The following USPL1 variants were observed in gnomAD, a reference collection of about 807,000 sequenced individuals.
The protein encoded by USPL1 is SUMO-specific isopeptidase USPL1.
Under a neutral mutation model 51.5 loss-of-function variants are expected in USPL1, and 27 were observed. The ratio of observed to expected loss-of-function variants is 0.52; its 90% CI spans 0.39 to 0.72. The LOEUF (loss-of-function observed/expected upper bound fraction) is 0.72, where lower values mean the gene tolerates loss of function less well. Ranked by LOEUF, USPL1 falls within the 30% of genes least tolerant of loss-of-function variation. The pLI is 0.00. For synonymous variants in USPL1, 451 were observed against 459.6 expected (o/e 0.98, Z 0.24); for missense variants, 1,226 against 1,268.0 (o/e 0.97, Z 0.50).
chr13:30,631,925 A>G (rs1414616085), intron 4 of USPL1, among the ~76,000 whole-genome samples: 1 of 151,974 alleles, frequency 6.6e-6, no homozygotes, highest in Non-Finnish European at 1.5e-5. Context: ...AGCTTGAGAT[A>G]ATACCAGTTA....
chr13:30,626,615 G>A (rs752316624), intron 3 of USPL1, among the ~76,000 whole-genome samples: 8 of 152,042 alleles, frequency 5.3e-5, no homozygotes, highest in Non-Finnish European at 1.0e-4. Flanking sequence ...AAAGAGTTCC[G>A]TTATAAAATT....
At chr13:30,639,583 C>A (rs1292745264) in intron 5 of USPL1, among the ~76,000 whole-genome samples, 1 of 151,884 alleles carries the variant, frequency 6.6e-6, no homozygotes, top group Non-Finnish European at 1.5e-5. Flanking sequence ...TTCTTTATAT[C>A]AAGGTGTAAT....
chr13:30,635,256 CTATATTTTAACTGAAAAGTTAT>C (rs1287554702), intron 4 of USPL1, among the ~76,000 whole-genome samples: 3 of 152,090 alleles, frequency 2.0e-5, no homozygotes, highest in Non-Finnish European at 1.5e-5. Context: ...AATCATTCAC[CTATATTTTAACTGAAAAGTTAT>C]AAAGTTTTGC....
chr13:30,651,030 A>C (rs1458592167), intron 7 of USPL1, among the ~76,000 whole-genome samples: 1 of 151,926 alleles, frequency 6.6e-6, no homozygotes, highest in Non-Finnish European at 1.5e-5. Context: ...TTTCATAGTT[A>C]CAGAAAGTAG....
intron 7 of USPL1, among the ~76,000 whole-genome samples, chr13:30,652,185 T>C (rs1247289665): frequency 6.6e-6 from 1 of 152,248 alleles, no homozygotes; most frequent in Non-Finnish European, 1.5e-5. Flanking sequence ...ATGAAATAGA[T>C]ATGATTTTTT....
intron 4 of USPL1, among the ~76,000 whole-genome samples, chr13:30,634,616 G>C (rs1438078218): frequency 6.6e-6 from 1 of 152,146 alleles, no homozygotes; most frequent in Non-Finnish European, 1.5e-5. Context: ...CTACCTGTCA[G>C]TGGACAGTGG....
intron 8 of USPL1, among the ~76,000 whole-genome samples, chr13:30,655,020 C>T (rs757657164): frequency 4.6e-5 from 7 of 151,712 alleles, no homozygotes; most frequent in African/African-American, 1.7e-4. Context: ...CTCACCACCA[C>T]GTCTGCCTCC....
chr13:30,653,286 A>G lies in USPL1; in HGVS notation c.1377A>G (p.Thr459=), dbSNP rs1951115755. 6.2e-7 allele frequency: 1 copy of G among 1,603,342 alleles called. No individual in the cohort carries two copies. The highest frequency in any genetic ancestry group is 8.5e-7 in the Non-Finnish European group (1 of 1,172,600). ...IQYRANNHFI[T]WILDADGSWL... is the part of the protein sequence containing the mutation. ...ATCGAGCAAATAATCATTTTATAACATGGATTTTAGATGCTGATGGTAAGT... is the reference window on the plus strand; with the variant it reads ...ATCGAGCAAATAATCATTTTATAACGTGGATTTTAGATGCTGATGGTAAGT... Residue 459 remains threonine, a synonymous_variant, in exon 8 of 9, where the codon ACA becomes ACG. Coordinates refer to ENST00000255304, the MANE Select transcript of USPL1 (RefSeq NM_005800.5).
chr13:30,639,572 T>G (rs1294070151), intron 5 of USPL1, among the ~76,000 whole-genome samples: 1 of 152,118 alleles, frequency 6.6e-6, no homozygotes, highest in Non-Finnish European at 1.5e-5. Flanking sequence ...AATATTCTTT[T>G]TTCTTTATAT....
In USPL1 at chr13:30,659,364, CTTG is replaced by C. The variant is rs1440919108; in HGVS notation, c.*11_*13del. ...CTGTTTGAGAATTATTGAATTAATG[CTTG>C]TTAACTTTTTTCATATAATATTTAT... On this transcript the variant is annotated 3_prime_UTR_variant, in exon 9 of 9. Coordinates refer to ENST00000255304, the MANE Select transcript of USPL1 (RefSeq NM_005800.5). 15 of 1,553,372 alleles carry C rather than the reference CTTG, an allele frequency of 9.7e-6. No individual in the cohort carries two copies. Among genetic ancestry groups the C allele is most frequent in the African/African-American group, 1.4e-5 (1 of 72,168 alleles).
rs569172913 is a variant in USPL1 at position 30,637,916 on chromosome 13, C to A, written c.982+59C>A. 7.9e-5 allele frequency: 97 copies of A among 1,232,068 alleles called. No homozygotes were observed. The South Asian group carries it at 1.1e-3, about 13-fold the overall frequency. The allele number at this position is 1,232,068 out of a possible 1,614,324, so 76.3% of individuals were successfully genotyped here. ...TCATCTACCATATAGAAATATGTACCTCATAAGGAAATATAATACTGTTTG... is the reference window on the plus strand; with the variant it reads ...TCATCTACCATATAGAAATATGTACATCATAAGGAAATATAATACTGTTTG... On this transcript the variant is annotated intron_variant, in intron 5 of 8. Coordinates refer to ENST00000255304, the MANE Select transcript of USPL1 (RefSeq NM_005800.5).
intron 4 of USPL1, among the ~76,000 whole-genome samples, chr13:30,636,386 G>T (rs1950876329): frequency 6.6e-6 from 1 of 150,758 alleles, no homozygotes. Context: ...CAAAAATTCT[G>T]GTTAATGCTT....
At chr13:30,652,733 A>G (rs772811378) in intron 7 of USPL1, among the ~76,000 whole-genome samples, 6 of 152,132 alleles carry the variant, frequency 3.9e-5, no homozygotes, top group African/African-American at 9.7e-5. Context: ...TTTCTTTCAC[A>G]TGTTACCTAC....
intron 1 of USPL1, among the ~76,000 whole-genome samples, chr13:30,619,930 G>T (rs1372877860): frequency 6.6e-6 from 1 of 152,202 alleles, no homozygotes; most frequent in Non-Finnish European, 1.5e-5. Context: ...GATCTAGAGG[G>T]TAAAGGTCAG....
At chr13:30,635,118 C>T (rs928384637) in intron 4 of USPL1, among the ~76,000 whole-genome samples, 8 of 152,158 alleles carry the variant, frequency 5.3e-5, no homozygotes, top group African/African-American at 1.9e-4. Flanking sequence ...AATCTGCTCC[C>T]AGTTTGCAGC....
In USPL1 at chr13:30,658,821, T is replaced by C; in HGVS notation, c.2744T>C (p.Val915Ala). ...ATGTCTTCCCCGCAAAGCAGAACAGTTCGAAGTGAAAATCTAGAACAGGTG... is the reference window on the plus strand; with the variant it reads ...ATGTCTTCCCCGCAAAGCAGAACAGCTCGAAGTGAAAATCTAGAACAGGTG... ...ALMSSPQSRT[V>A]RSENLEQVPQ... Residue 915 changes from valine to alanine, a missense_variant, in exon 9 of 9, where the codon GTT (valine) becomes GCT (alanine). Val to Ala is a moderately conservative substitution (Grantham distance 64). Coordinates refer to ENST00000255304, the MANE Select transcript of USPL1 (RefSeq NM_005800.5). 1 of 1,613,854 alleles carries C rather than the reference T, an allele frequency of 6.2e-7. No homozygotes were observed. The highest frequency in any genetic ancestry group is 8.5e-7 in the Non-Finnish European group (1 of 1,180,016).
chr13:30,637,848 T>C lies in USPL1; in HGVS notation c.973T>C (p.Cys325Arg). 7 of 1,612,400 alleles carry C rather than the reference T, an allele frequency of 4.3e-6. No individual in the cohort carries two copies. Among genetic ancestry groups the C allele is most frequent in the Non-Finnish European group, 5.9e-6 (7 of 1,178,684 alleles). Reference protein sequence around the residue: ...IFISLQPQLRCTLGDMESPVF... With the variant: ...IFISLQPQLRRTLGDMESPVF... The stretch of plus-strand genomic sequence containing the variant: ...TATTAGCCTTCAGCCCCAGCTTAGA[T>C]GCACATTAGGTAAGTAATTGGTAAA... The change falls in exon 5 of 9, where the codon TGC (cysteine) becomes CGC (arginine). Residue 325 changes from cysteine (C) to arginine (R), a missense_variant. Coordinates refer to ENST00000255304, the MANE Select transcript of USPL1 (RefSeq NM_005800.5).
chr13:30,621,967 GT>G, intron 3 of USPL1, 75 bp downstream of exon 3: 1 of 1,130,126 alleles, frequency 8.8e-7, no homozygotes, highest in Non-Finnish European at 1.1e-6. Flanking sequence ...TGTTTTAAAA[GT>G]TTACTCATTT....
At chr13:30,641,082 A>G (rs1950941137) in intron 5 of USPL1, among the ~76,000 whole-genome samples, 1 of 152,260 alleles carries the variant, frequency 6.6e-6, no homozygotes, top group Non-Finnish European at 1.5e-5. Context: ...TTGCTTCTCT[A>G]GTACTTTTCC....
Sources: gnomAD v4.1 joint callset for allele counts (sites outside exome capture counted in the v4.1 genomes callset) on GRCh38, gnomAD v4.1.1 for gene constraint, MANE v1.5 for transcripts, NCBI Gene and HGNC (gene_info 2026-07-23, HGNC 2026-07-21) for gene names.